Variants in OSBPL10 observed in about 807,000 individuals in gnomAD.
The protein encoded by OSBPL10 is oxysterol-binding protein-related protein 10.
OSBPL10 carries 49 observed loss-of-function variants against 81.7 expected under a neutral mutation model. The observed-to-expected ratio is 0.60, with a 90% CI of 0.48 to 0.76. The LOEUF (loss-of-function observed/expected upper bound fraction) is 0.76, where lower values mean the gene tolerates loss of function less well. Among genes scored for constraint, OSBPL10 ranks in the 30% least tolerant of loss-of-function variants. The pLI, the probability that OSBPL10 is intolerant of heterozygous loss-of-function variation, is 0.00. For synonymous variants in OSBPL10, 419 were observed against 383.6 expected, an observed-to-expected ratio of 1.09 and a Z score of -1.08; for missense variants, 923 against 987.8, an observed-to-expected ratio of 0.93 and a Z score of 0.88.
intron 2 of OSBPL10, among the ~76,000 whole-genome samples, chr3:32,042,576 T>G (rs937606042): frequency 6.6e-6 from 1 of 152,096 alleles, no homozygotes; most frequent in African/African-American, 2.4e-5. Flanking sequence ...AATATTTCAA[T>G]GTAGGTTCTT....
At chr3:31,985,389 T>C (rs1034481218), upstream of OSBPL10, among the ~76,000 whole-genome samples, 1 of 152,116 alleles carries the variant, frequency 6.6e-6, no homozygotes, top group Non-Finnish European at 1.5e-5. Flanking sequence ...TCACAGACCA[T>C]GTAAAGATTT....
chr3:32,012,861 G>C (rs1240304210), intron 2 of OSBPL10, among the ~76,000 whole-genome samples: 1 of 152,076 alleles, frequency 6.6e-6, no homozygotes, highest in African/African-American at 2.4e-5. Context: ...ATTACATAAT[G>C]GTAAAGGGAT....
At chr3:32,059,912 AAAAG>A (rs1699742514) in intron 1 of OSBPL10, among the ~76,000 whole-genome samples, 1 of 152,018 alleles carries the variant, frequency 6.6e-6, no homozygotes, top group Non-Finnish European at 1.5e-5. Context: ...ACCCTGTCTC[AAAAG>A]AAAGAAAAAA....
At chr3:31,901,213 C>T (rs1302151819) in intron 1 of OSBPL10, among the ~76,000 whole-genome samples, 1 of 152,172 alleles carries the variant, frequency 6.6e-6, no homozygotes, top group Non-Finnish European at 1.5e-5. Flanking sequence ...TCCCTCTACT[C>T]GACATAAAGG....
At chr3:31,947,555 T>A (rs1176210137) in intron 1 of OSBPL10, among the ~76,000 whole-genome samples, 1 of 152,178 alleles carries the variant, frequency 6.6e-6, no homozygotes, top group African/African-American at 2.4e-5. Context: ...CACCTTCCCC[T>A]ACTCCACAAT....
At chr3:31,677,041 T>C (rs1008077800) in intron 8 of OSBPL10, among the ~76,000 whole-genome samples, 3 of 152,230 alleles carry the variant, frequency 2.0e-5, no homozygotes, top group African/African-American at 7.2e-5. Flanking sequence ...ATTTAGGAGA[T>C]GAGCCCACGT....
chr3:31,803,830 A>G (rs2125456182), intron 4 of OSBPL10, among the ~76,000 whole-genome samples: 1 of 152,344 alleles, frequency 6.6e-6, no homozygotes, highest in African/African-American at 2.4e-5. Flanking sequence ...TTTGGTAAGA[A>G]TAACACAGAG....
chr3:31,971,107 T>C (rs1184324797), intron 1 of OSBPL10, among the ~76,000 whole-genome samples: 2 of 151,394 alleles, frequency 1.3e-5, no homozygotes, highest in Non-Finnish European at 2.9e-5. Context: ...TCTAATGAGT[T>C]GGTTTTTTTT....
chr3:31,667,692 C>T (rs1700227334), intron 10 of OSBPL10, among the ~76,000 whole-genome samples: 1 of 152,184 alleles, frequency 6.6e-6, no homozygotes, highest in South Asian at 2.1e-4. Context: ...CTTTGCAGGC[C>T]ATATGGTCTT....
intron 1 of OSBPL10, among the ~76,000 whole-genome samples, chr3:31,907,881 T>C (rs1221307647): frequency 6.6e-6 from 1 of 152,072 alleles, no homozygotes; most frequent in African/African-American, 2.4e-5. Context: ...AAATAAATTA[T>C]AAACATATAC....
At chr3:31,880,439 A>C (rs1053734937) in intron 1 of OSBPL10, among the ~76,000 whole-genome samples, 2 of 151,884 alleles carry the variant, frequency 1.3e-5, no homozygotes, top group African/African-American at 4.9e-5. Context: ...CTCTACATCC[A>C]TGGTAAAAGA....
chr3:31,890,989 T>G (rs747823044), intron 1 of OSBPL10, among the ~76,000 whole-genome samples: 5 of 152,062 alleles, frequency 3.3e-5, no homozygotes, highest in Non-Finnish European at 7.4e-5. Flanking sequence ...AACCCCAGTT[T>G]AGTACCCACC....
intron 1 of OSBPL10, among the ~76,000 whole-genome samples, chr3:31,928,095 GTTACAT>G (rs1233765318): frequency 1.3e-5 from 2 of 152,212 alleles, no homozygotes; most frequent in Non-Finnish European, 2.9e-5. Flanking sequence ...GTTCAGGTTA[GTTACAT>G]TTACAACAAT....
intron 1 of OSBPL10, among the ~76,000 whole-genome samples, chr3:31,965,997 AAT>A (rs368838696): frequency 2.4e-5 from 3 of 126,230 alleles, no homozygotes; most frequent in Non-Finnish European, 4.8e-5. Context: ...TATAAAATAT[AAT>A]ATATATATAT....
rs149584048 is a variant in OSBPL10, at chr3:32,055,406, G to A, written n.186-8803C>T. Among the ~76,000 whole-genome samples, 129 of 151,606 alleles carry A rather than the reference G, an allele frequency of 8.5e-4. 2 individuals carry two copies. In the East Asian group the frequency reaches 0.023, roughly 26 times the overall value. On this transcript the variant is annotated intron_variant and non_coding_transcript_variant, in intron 1 of 3. Coordinates refer to the OSBPL10 transcript ENST00000479173. ...TTTAGTAGAGATGGGGTTTCACCAT[G>A]TTGGCCAGGCTGGTCTCCTAACCTC...
chr3:31,821,053 C>G (rs1699972778), intron 4 of OSBPL10, among the ~76,000 whole-genome samples: 1 of 152,038 alleles, frequency 6.6e-6, no homozygotes, highest in Admixed American at 6.5e-5. Context: ...TGTAAATGAA[C>G]AAAAAGAGCC....
intron 1 of OSBPL10, 91 bp from the exon 2 acceptor site, chr3:31,879,921 A>G (rs956130261): frequency 3.8e-6 from 5 of 1,315,904 alleles, no homozygotes; most frequent in Middle Eastern, 2.7e-4. Context: ...AGAAGTCAAC[A>G]TCAAGACTCC....
intron 1 of OSBPL10, among the ~76,000 whole-genome samples, chr3:31,948,121 GAAGTATTAGC>G (rs1202822610): frequency 6.6e-6 from 1 of 152,210 alleles, no homozygotes; most frequent in Non-Finnish European, 1.5e-5. Context: ...GTACAGGCAT[GAAGTATTAGC>G]AGCTAACTCC....
At chr3:32,009,595 G>A (rs1699233397) in intron 2 of OSBPL10, among the ~76,000 whole-genome samples, 1 of 152,170 alleles carries the variant, frequency 6.6e-6, no homozygotes, top group South Asian at 2.1e-4. Context: ...TTAAGATGGG[G>A]AAAAAGCAAG....
Sources: gnomAD v4.1 joint callset for allele counts (sites outside exome capture counted in the v4.1 genomes callset) on GRCh38, gnomAD v4.1.1 for gene constraint, MANE v1.5 for transcripts, NCBI Gene and HGNC (gene_info 2026-07-23, HGNC 2026-07-21) for gene names.